KHDRBS2: variants seen among roughly 807,000 people sequenced by gnomAD.
The protein encoded by KHDRBS2 is KH RNA binding domain containing, signal transduction associated 2, also known as KH domain-containing, RNA-binding, signal transduction-associated protein 2.
Under a neutral mutation model 44.3 loss-of-function variants are expected in KHDRBS2, and 26 were observed. The observed-to-expected ratio is 0.59, with a 90% confidence interval of 0.43 to 0.81. The LOEUF is 0.81. Ranked by LOEUF, KHDRBS2 falls within the 40% of genes least tolerant of loss-of-function variation. The probability of loss-of-function intolerance (pLI) is 0.00; values close to 1 mark genes in which losing one functional copy is unlikely to be tolerated. For missense variants in KHDRBS2, 476 were observed against 433.1 expected (o/e 1.10, Z -0.88); for synonymous variants, 194 against 151.1 (o/e 1.28, Z -2.08).
At chr6:62,064,314 C>A (rs986400328) in intron 2 of KHDRBS2, among the ~76,000 whole-genome samples, 1 of 149,976 alleles carries the variant, frequency 6.7e-6, no homozygotes, top group Non-Finnish European at 1.5e-5. Context: ...AAAGAGCCCA[C>A]ATCGCCAAGT....
the KHDRBS2 span, among the ~76,000 whole-genome samples, chr6:61,668,771 T>C: frequency 1.3e-5 from 2 of 151,060 alleles, no homozygotes; most frequent in African/African-American, 4.8e-5. Context: ...GTTTTTATAT[T>C]CACCTTCACT....
At chr6:61,828,052 T>C (rs930333253) in intron 6 of KHDRBS2, among the ~76,000 whole-genome samples, 2 of 152,154 alleles carry the variant, frequency 1.3e-5, no homozygotes, top group African/African-American at 4.8e-5. Flanking sequence ...CACTGATCAT[T>C]CTGGCACTGA....
At position 61,746,473 on chromosome 6, in the gene KHDRBS2, C is replaced by A. The variant is rs369524857; in HGVS notation, c.811-13709G>T. On this transcript the variant is annotated intron_variant, in intron 6 of 8. Transcript: ENST00000281156. ...GTTTCCAGCTTCATCCATGTCCCTG[C>A]AAAGACATGAACTCATTCTTTTTTA... is the stretch of plus-strand genomic sequence containing the variant. Among the ~76,000 whole-genome samples, 138 of 123,148 alleles carry A rather than the reference C, an allele frequency of 1.1e-3. 1 individual carries two copies. The highest frequency in any genetic ancestry group is 4.7e-3 in the Middle Eastern group (1 of 214). 80.8% of individuals were successfully genotyped at this position (123,148 alleles called of 152,430 possible).
At chr6:61,667,968 C>A in the KHDRBS2 span, among the ~76,000 whole-genome samples, 1 of 151,268 alleles carries the variant, frequency 6.6e-6, no homozygotes, top group Admixed American at 6.6e-5. Context: ...CAAATAAACT[C>A]ATCACTAAGT....
At chr6:61,979,946 C>T (rs142371322) in intron 3 of KHDRBS2, among the ~76,000 whole-genome samples, 56 of 152,196 alleles carry the variant, frequency 3.7e-4, no homozygotes, top group African/African-American at 1.2e-3. Context: ...GTTACCCTCT[C>T]CTTACACCTA....
At position 62,098,706 on chromosome 6, in the gene KHDRBS2, T is replaced by C. The variant is rs117966242; in HGVS notation, c.220-50712A>G. 9.7e-4 allele frequency among the ~76,000 whole-genome samples: 147 copies of C among 152,328 alleles called. 1 individual carries two copies. In the East Asian group the frequency reaches 0.026, roughly 27 times the overall value. ...ATTTCTCTGGGTTTGAGAAGTTGTC[T>C]GTTACAATTTTTTGAATATTCTTTC... On this transcript the variant is annotated intron_variant, in intron 2 of 8. Coordinates refer to ENST00000281156, the MANE Select transcript of KHDRBS2 (RefSeq NM_152688.4).
intron 2 of KHDRBS2, among the ~76,000 whole-genome samples, chr6:62,074,413 T>A (rs1795919297): frequency 6.6e-6 from 1 of 151,832 alleles, no homozygotes; most frequent in South Asian, 2.1e-4. Flanking sequence ...TCTTTGTGAC[T>A]ATAGTCCACC....
At chr6:61,607,730 C>T in the KHDRBS2 span, among the ~76,000 whole-genome samples, 329 of 152,150 alleles carry the variant, frequency 2.2e-3, 3 homozygotes, top group African/African-American at 7.7e-3. Context: ...CTCTGTTGCC[C>T]AGGCTGGAGT....
At chr6:61,893,285 T>G (rs1205417030) in intron 6 of KHDRBS2, among the ~76,000 whole-genome samples, 1 of 152,162 alleles carries the variant, frequency 6.6e-6, no homozygotes, top group African/African-American at 2.4e-5. Flanking sequence ...GTAGGAACAC[T>G]TTTACACTGT....
At chr6:62,181,589 T>C (rs1490573681) in intron 1 of KHDRBS2, among the ~76,000 whole-genome samples, 1 of 151,902 alleles carries the variant, frequency 6.6e-6, no homozygotes, top group African/African-American at 2.4e-5. Flanking sequence ...TTGATGAAAA[T>C]GTAAACTGGT....
At chr6:62,274,290 T>C (rs1386224976) in intron 1 of KHDRBS2, among the ~76,000 whole-genome samples, 1 of 152,200 alleles carries the variant, frequency 6.6e-6, no homozygotes, top group Non-Finnish European at 1.5e-5. Context: ...CCTGATGGCC[T>C]GCCCATGTCT....
chr6:61,988,957 A>G (rs1008253779), intron 3 of KHDRBS2, among the ~76,000 whole-genome samples: 1 of 152,216 alleles, frequency 6.6e-6, no homozygotes, highest in African/African-American at 2.4e-5. Context: ...ACGCTTGAAT[A>G]AAAACATTTT....
intron 2 of KHDRBS2, among the ~76,000 whole-genome samples, chr6:62,101,595 T>C (rs1335037187): frequency 1.3e-5 from 2 of 152,136 alleles, no homozygotes; most frequent in Admixed American, 1.3e-4. Context: ...GGATTCTGGA[T>C]ATGTACTCTA....
chr6:61,608,804 T>G, the KHDRBS2 span, among the ~76,000 whole-genome samples: 1 of 152,212 alleles, frequency 6.6e-6, no homozygotes, highest in Non-Finnish European at 1.5e-5. Flanking sequence ...TTCCATGGTG[T>G]ATATGTGCCA....
At chr6:62,213,643 G>C (rs965160600) in intron 1 of KHDRBS2, among the ~76,000 whole-genome samples, 1 of 151,970 alleles carries the variant, frequency 6.6e-6, no homozygotes, top group East Asian at 1.9e-4. Flanking sequence ...GGGAGGCTGA[G>C]ACGGTCGGAT....
At chr6:61,612,091 G>C in the KHDRBS2 span, among the ~76,000 whole-genome samples, 1 of 151,898 alleles carries the variant, frequency 6.6e-6, no homozygotes, top group Admixed American at 6.6e-5. Context: ...TATGCAAAAA[G>C]TAAAGTACTA....
chr6:61,875,786 GTTCT>G (rs1456285268), intron 6 of KHDRBS2, among the ~76,000 whole-genome samples: 1 of 151,938 alleles, frequency 6.6e-6, no homozygotes, highest in Admixed American at 6.6e-5. Context: ...TAATTTTACA[GTTCT>G]TTATTTCTGA....
chr6:62,148,855 C>G (rs73758684), intron 2 of KHDRBS2, among the ~76,000 whole-genome samples: 2 of 151,958 alleles, frequency 1.3e-5, no homozygotes, highest in Non-Finnish European at 2.9e-5. Flanking sequence ...TTTTATCTTA[C>G]GTAAAAATTC....
chr6:62,195,016 A>G (rs1825390443), intron 1 of KHDRBS2, among the ~76,000 whole-genome samples: 1 of 152,118 alleles, frequency 6.6e-6, no homozygotes. Flanking sequence ...TAGATCAGTA[A>G]GGGATATTAT....
Sources: gnomAD v4.1 joint callset for allele counts (sites outside exome capture counted in the v4.1 genomes callset) on GRCh38, gnomAD v4.1.1 for gene constraint, MANE v1.5 for transcripts, NCBI Gene and HGNC (gene_info 2026-07-23, HGNC 2026-07-21) for gene names.